Variants in DBH observed in about 807,000 individuals in gnomAD.
The protein encoded by DBH is dopamine beta-hydroxylase, also known as dopamine beta-hydroxylase (dopamine beta-monooxygenase).
A neutral mutation model predicts 64.0 loss-of-function variants in DBH; 49 were observed. The observed-to-expected ratio is 0.77, with a 90% CI of 0.61 to 0.97. The LOEUF is 0.97. DBH is among the 50% of genes least tolerant of loss of function. The pLI is 0.00. For synonymous variants in DBH, 343 were observed against 347.1 expected (o/e 0.99, Z 0.13); for missense variants, 828 against 826.6 (o/e 1.00, Z -0.02).
rs952180655 is a variant in DBH at position 133,659,064 on chromosome 9, C to T, written c.*617C>T. The T allele has an allele frequency of 3.9e-5, 6 of 152,324 alleles. No individual in the cohort carries two copies. The highest frequency in any genetic ancestry group is 1.2e-4 in the African/African-American group (5 of 41,558). The allele number at this position is 152,324 out of a possible 1,614,324, so 9.4% of individuals were successfully genotyped here. A position where few individuals can be genotyped will look rare whatever the true frequency, so the allele number is the denominator to read the frequency against. ...CCTGACAACAACTATCACCAAAAGACGAGGCGGCAAAGATCCAGCGGGGCT... is the reference window on the plus strand; with the variant it reads ...CCTGACAACAACTATCACCAAAAGATGAGGCGGCAAAGATCCAGCGGGGCT... On this transcript the variant is annotated 3_prime_UTR_variant, in exon 12 of 12. Transcript: ENST00000393056.
chr9:133,656,743 G>A (rs1832326866), intron 10 of DBH, 93 bp downstream of exon 10: 4 of 1,500,994 alleles, frequency 2.7e-6, no homozygotes, highest in South Asian at 2.3e-5. Flanking sequence ...GAGGAGTCCA[G>A]GCTAAGTTCT....
intron 6 of DBH, 75 bp downstream of exon 6, chr9:133,648,087 C>A: frequency 6.6e-7 from 1 of 1,511,442 alleles, no homozygotes; most frequent in African/African-American, 1.4e-5. Context: ...AGGTCGTGGC[C>A]CACGAAGGGT....
At chr9:133,655,812 C>T (rs1345947382) in intron 9 of DBH, 1 of 153,396 alleles carries the variant, frequency 6.5e-6, no homozygotes, top group Non-Finnish European at 1.5e-5. Flanking sequence ...CTCCTCCAAG[C>T]TGCTGCTGTT....
At position 133,644,304 on chromosome 9, in the gene DBH, C is replaced by T; in HGVS notation, c.1008C>T (p.Asn336=). ...RYLRLEVHYH[N]PLVIEGRNDS... ...TCCGCCTGGAAGTTCACTACCACAA[C>T]CCACTGGTGATAGAAGGTAGGCGGC... The change falls in exon 5 of 12, where the codon AAC becomes AAT. Residue 336 remains asparagine (N), a synonymous_variant. Transcript: ENST00000393056. 6.2e-7 allele frequency: 1 copy of T among 1,613,914 alleles called. No individual in the cohort carries two copies.
intron 3 of DBH, 104 bp downstream of exon 3, chr9:133,642,568 G>A (rs544664220): frequency 7.0e-7 from 1 of 1,422,748 alleles, no homozygotes; most frequent in East Asian, 2.5e-5. Flanking sequence ...GGTTGGACCA[G>A]GTGTCCTCTT....
Position 133,643,353 on chromosome 9 carries a change from C to T in DBH, c.745-60C>T, listed in dbSNP as rs1339488625. On this transcript the variant is annotated intron_variant, in intron 3 of 11. Coordinates refer to ENST00000393056, the MANE Select transcript of DBH (RefSeq NM_000787.4). This position sits in a 1 kb window ranked among gnomAD's most constrained non-coding sequence, Gnocchi z 5.3. ...GCATTCGGAAGCCCATGGAGGAGGG[C>T]TGCTGGGGAGGGGAGGGTGGGCGGC... 2 of 1,539,484 alleles carry T rather than the reference C, an allele frequency of 1.3e-6. No individual in the cohort carries two copies. Among genetic ancestry groups the T allele is most frequent in the Non-Finnish European group, 1.8e-6 (2 of 1,128,686 alleles).
intron 11 of DBH, among the ~76,000 whole-genome samples, chr9:133,657,471 AG>A (rs1158326893): frequency 3.4e-4 from 47 of 137,534 alleles, no homozygotes; most frequent in African/African-American, 1.3e-3. Flanking sequence ...AGAGGGAGAG[AG>A]GGAGAGGGAG....
At chr9:133,653,663 G>A (rs1234311149) in intron 9 of DBH, among the ~76,000 whole-genome samples, 1 of 152,122 alleles carries the variant, frequency 6.6e-6, no homozygotes, top group African/African-American at 2.4e-5. Flanking sequence ...CAGGCAGGAT[G>A]AGCGTCAGCT....
At chr9:133,652,364 G>A (rs147319581) in intron 8 of DBH, 80 bp downstream of exon 8, 15,519 of 1,528,484 alleles carry the variant, frequency 0.01, 116 homozygotes, top group South Asian at 0.017. Context: ...CCACCAGAAG[G>A]AGAGGGACAC....
intron 6 of DBH, among the ~76,000 whole-genome samples, chr9:133,651,382 G>A (rs746910611): frequency 6.6e-5 from 10 of 152,206 alleles, no homozygotes; most frequent in African/African-American, 1.2e-4. Context: ...TGAAGGACTC[G>A]GAAAGAAAGT....
At position 133,651,786 on chromosome 9, in the gene DBH, C is replaced by T; in HGVS notation, c.1335+9C>T. On this transcript the variant is annotated intron_variant, in intron 7 of 11. Transcript: ENST00000393056. ...ACAGCCCTCACTTCCAGGTAGGAAC[C>T]TGCACCCCACCCCTGCCCCGCCCCC... The T allele has an allele frequency of 1.3e-6, 2 of 1,563,364 alleles. No homozygotes were observed. The highest frequency in any genetic ancestry group is 1.7e-6 in the Non-Finnish European group (2 of 1,155,266).
chr9:133,639,070 G>A (rs1832085911), intron 1 of DBH, among the ~76,000 whole-genome samples: 1 of 152,040 alleles, frequency 6.6e-6, no homozygotes, highest in Admixed American at 6.5e-5. Context: ...CTAAGGTGAG[G>A]GGAACAATGC....
chr9:133,657,477 A>G (rs1588355599), intron 11 of DBH, among the ~76,000 whole-genome samples: 1 of 143,284 alleles, frequency 7.0e-6, no homozygotes, highest in Admixed American at 6.9e-5. Flanking sequence ...AGAGAGGGAG[A>G]GGGAGAGAGG....
At chr9:133,644,424 G>A in intron 5 of DBH, 104 bp downstream of exon 5, 4 of 906,500 alleles carry the variant, frequency 4.4e-6, no homozygotes, top group South Asian at 4.1e-5. Flanking sequence ...TGCCCCCGCT[G>A]TACAGCTCCT....
At position 133,658,394 on chromosome 9, in the gene DBH, G is replaced by T. The variant is rs1832363606; in HGVS notation, c.1801G>T (p.Gly601Cys). The T allele has an allele frequency of 6.2e-7, 1 of 1,613,664 alleles. No homozygotes were observed. The highest frequency in any genetic ancestry group is 1.3e-5 in the African/African-American group (1 of 74,882). ...EPTPQCPTSQ[G>C]RSPAGPTVVS... ...CACCCCACAGTGCCCCACCAGCCAGGGCCGAAGCCCTGCTGGCCCCACCGT... is the reference window on the plus strand; with the variant it reads ...CACCCCACAGTGCCCCACCAGCCAGTGCCGAAGCCCTGCTGGCCCCACCGT... The change falls in exon 12 of 12, where the codon GGC (glycine) becomes TGC (cysteine). Residue 601 changes from glycine to cysteine, a missense_variant. Physicochemically the swap from Gly to Cys is radical, Grantham distance 159 (BLOSUM62 -3). Transcript: ENST00000393056.
chr9:133,650,236 C>A (rs1209575944), intron 6 of DBH, among the ~76,000 whole-genome samples: 1 of 152,022 alleles, frequency 6.6e-6, no homozygotes, highest in African/African-American at 2.4e-5. Context: ...TGCTTGGGAG[C>A]GAGAGGGAAG....
chr9:133,658,313 C>A lies in DBH; in HGVS notation c.1723-3C>A, dbSNP rs1216134043. ...AGTTTACCTCCTGCCCCCTTCCTTGCAGGGTGAATGGAACCTGCAGCCCCT... is the reference window on the plus strand; with the variant it reads ...AGTTTACCTCCTGCCCCCTTCCTTGAAGGGTGAATGGAACCTGCAGCCCCT... On this transcript the variant is annotated splice_region_variant and splice_polypyrimidine_tract_variant and intron_variant, in intron 11 of 11. Transcript: ENST00000393056. 6.2e-7 allele frequency: 1 copy of A among 1,613,760 alleles called. No individual in the cohort carries two copies. Among genetic ancestry groups the A allele is most frequent in the Non-Finnish European group, 8.5e-7 (1 of 1,179,874 alleles).
At chr9:133,644,879 A>G (rs1015472917) in intron 5 of DBH, among the ~76,000 whole-genome samples, 17 of 152,196 alleles carry the variant, frequency 1.1e-4, no homozygotes, top group African/African-American at 3.9e-4. Flanking sequence ...AGAAACTGAA[A>G]AAAATACTTC....
chr9:133,657,427 G>C lies in DBH; in HGVS notation c.1722+198G>C, dbSNP rs564595944. Reference sequence around the variant, plus strand: ...GAGAGAGGAGAGAGGAGAGAGAGGAGAGAGAGGAGAGAGAGGAGAGAGAGG... The same window carrying C: ...GAGAGAGGAGAGAGGAGAGAGAGGACAGAGAGGAGAGAGAGGAGAGAGAGG... On this transcript the variant is annotated intron_variant, in intron 11 of 11. Coordinates refer to ENST00000393056, the MANE Select transcript of DBH (RefSeq NM_000787.4). 95 of 420,442 alleles carry C rather than the reference G, an allele frequency of 2.3e-4. No homozygotes were observed. The African/African-American group carries it at 2.3e-3, about 10-fold the overall frequency. The allele number at this position is 420,442 out of a possible 1,614,324, so 26.0% of individuals were successfully genotyped here.
Sources: gnomAD v4.1 joint callset for allele counts (sites outside exome capture counted in the v4.1 genomes callset) on GRCh38, gnomAD v4.1.1 for gene constraint, Gnocchi (gnomAD v3.1) non-coding constraint, MANE v1.5 for transcripts, NCBI Gene and HGNC (gene_info 2026-07-23, HGNC 2026-07-21) for gene names.